The following SIK2 variants were observed in gnomAD, a reference collection of about 807,000 sequenced individuals.
The protein encoded by SIK2 is salt inducible kinase 2.
SIK2 carries 29 observed loss-of-function variants against 103.2 expected under a neutral mutation model. That is an observed-to-expected ratio of 0.28 (90% CI 0.21 to 0.38). The LOEUF is 0.38. Among genes scored for constraint, SIK2 ranks in the 10% least tolerant of loss-of-function variants. The pLI, the probability that SIK2 is intolerant of heterozygous loss-of-function variation, is 1.00. For synonymous variants in SIK2, 412 were observed against 446.1 expected (o/e 0.92, Z 0.96); for missense variants, 879 against 1,171.0 (o/e 0.75, Z 3.64).
chr11:111,720,092 CCTAA>C, intron 10 of SIK2, 89 bp downstream of exon 10: 1 of 1,297,586 alleles, frequency 7.7e-7, no homozygotes. Context: ...CCAGCCAACA[CCTAA>C]AATTGAGTCG....
At chr11:111,613,430 A>G (rs907316817) in intron 1 of SIK2, among the ~76,000 whole-genome samples, 2 of 152,164 alleles carry the variant, frequency 1.3e-5, no homozygotes, top group Non-Finnish European at 2.9e-5. Flanking sequence ...CATTTTCTTC[A>G]AAATATGCAT....
At chr11:111,662,430 G>A (rs1942479193) in intron 3 of SIK2, among the ~76,000 whole-genome samples, 1 of 152,186 alleles carries the variant, frequency 6.6e-6, no homozygotes, top group African/African-American at 2.4e-5. Flanking sequence ...GGCAAGTGGT[G>A]AAGAGTACCA....
Position 111,705,229 on chromosome 11 carries a change from T to A in SIK2, c.1101+90T>A. On this transcript the variant is annotated intron_variant, in intron 8 of 14. Coordinates refer to ENST00000304987, the MANE Select transcript of SIK2 (RefSeq NM_015191.3). This position sits in a 1 kb window ranked among gnomAD's most constrained non-coding sequence, Gnocchi z 4.3. ...TCATCTTATACACAGGGTTAGGATT[T>A]CATCCTCTACACTCCGTTTTTCTGT... 1 of 1,328,612 alleles carries A rather than the reference T, an allele frequency of 7.5e-7. No individual in the cohort carries two copies. Among genetic ancestry groups the A allele is most frequent in the Non-Finnish European group, 9.8e-7 (1 of 1,020,810 alleles). The allele number at this position is 1,328,612 out of a possible 1,614,324, so 82.3% of individuals were successfully genotyped here.
chr11:111,679,533 T>A (rs1411687244), intron 3 of SIK2, among the ~76,000 whole-genome samples: 1 of 152,232 alleles, frequency 6.6e-6, no homozygotes, highest in Non-Finnish European at 1.5e-5. Flanking sequence ...TGTTTTACAA[T>A]CTGTAGTTTT....
At position 111,709,429 on chromosome 11, in the gene SIK2, A is replaced by G. The variant is rs369679483; in HGVS notation, c.1102-2782A>G. On this transcript the variant is annotated intron_variant, in intron 8 of 14. Transcript: ENST00000304987. ...TCATAACAAGTATTTGCCTATTGGAATAGCAACGATTTTCCCATAGGAAAG... is the reference window on the plus strand; with the variant it reads ...TCATAACAAGTATTTGCCTATTGGAGTAGCAACGATTTTCCCATAGGAAAG... 2.8e-4 allele frequency among the ~76,000 whole-genome samples: 42 copies of G among 152,352 alleles called. No individual in the cohort carries two copies. The South Asian group carries it at 7.5e-3, about 27-fold the overall frequency.
chr11:111,705,247 T>C lies in SIK2; in HGVS notation c.1101+108T>C. On this transcript the variant is annotated intron_variant, in intron 8 of 14. Coordinates refer to ENST00000304987, the MANE Select transcript of SIK2 (RefSeq NM_015191.3). This position sits in a 1 kb window ranked among gnomAD's most constrained non-coding sequence, Gnocchi z 4.3. ...TAGGATTTCATCCTCTACACTCCGT[T>C]TTTCTGTAAAATTTCTGCCTGCCAT... 8.3e-7 allele frequency: 1 copy of C among 1,207,880 alleles called. No homozygotes were observed. Among genetic ancestry groups the C allele is most frequent in the Non-Finnish European group, 1.1e-6 (1 of 932,470 alleles). The allele number at this position is 1,207,880 out of a possible 1,614,324, so 74.8% of individuals were successfully genotyped here.
intron 3 of SIK2, among the ~76,000 whole-genome samples, chr11:111,645,740 A>G (rs543115): frequency 1.3e-5 from 2 of 151,876 alleles, no homozygotes; most frequent in Non-Finnish European, 2.9e-5. Flanking sequence ...ACTTGAACCC[A>G]GGAGGCGGAG....
At chr11:111,684,560 C>T (rs1480943892) in intron 3 of SIK2, among the ~76,000 whole-genome samples, 6 of 152,166 alleles carry the variant, frequency 3.9e-5, no homozygotes, top group South Asian at 2.1e-4. Flanking sequence ...TTATTAACTA[C>T]TCAAAAGATA....
In SIK2 at chr11:111,635,288, G is replaced by A. The variant is rs1591595923; in HGVS notation, c.316+14886G>A. Among the ~76,000 whole-genome samples the A allele has an allele frequency of 2.0e-5, 3 of 151,834 alleles. No homozygotes were observed. The South Asian group carries it at 6.3e-4, about 32-fold the overall frequency. On this transcript the variant is annotated intron_variant, in intron 3 of 14. Coordinates refer to ENST00000304987, the MANE Select transcript of SIK2 (RefSeq NM_015191.3). Reference sequence around the variant, plus strand: ...ACATAATGTTTCTGAACCTCAGTGTGTTCTAAAAATGAAAGGGGTATATGA... The same window carrying A: ...ACATAATGTTTCTGAACCTCAGTGTATTCTAAAAATGAAAGGGGTATATGA...
chr11:111,693,673 G>A (rs1310574847), intron 4 of SIK2, among the ~76,000 whole-genome samples: 1 of 152,222 alleles, frequency 6.6e-6, no homozygotes, highest in Non-Finnish European at 1.5e-5. Context: ...AGGGCTTCAT[G>A]TAGAGTACTG....
chr11:111,660,560 A>G lies in SIK2; in HGVS notation c.317-27441A>G, dbSNP rs980090936. The stretch of plus-strand genomic sequence containing the variant: ...ACAGGTACCCTGAAATATATCTGGT[A>G]TATACCTCTTTGAGATCAGTCTTCT... On this transcript the variant is annotated intron_variant, in intron 3 of 14. Coordinates refer to ENST00000304987, the MANE Select transcript of SIK2 (RefSeq NM_015191.3). Among the ~76,000 whole-genome samples the G allele has an allele frequency of 3.9e-5, 6 of 152,230 alleles. No homozygotes were observed. In the South Asian group the frequency reaches 6.2e-4, roughly 16 times the overall value.
rs1944070948 is a variant in SIK2 at position 111,728,794 on chromosome 11, G to GCAT, written c.*4665_*4666insCAT. The GCAT allele has an allele frequency of 2.0e-5, 3 of 152,068 alleles. No homozygotes were observed. Among genetic ancestry groups the GCAT allele is most frequent in the Non-Finnish European group, 4.4e-5 (3 of 68,022 alleles). The allele number at this position is 152,068 out of a possible 1,614,324, so 9.4% of individuals were successfully genotyped here. On this transcript the variant is annotated 3_prime_UTR_variant, in exon 15 of 15. Transcript: ENST00000304987. ...AAAAAATTAGCCGGGCGTGGTGGTG[G>GCAT]GCGCCTGTAGTTCCAGCTACTCGGG...
At chr11:111,619,565 G>T (rs7932817) in intron 2 of SIK2, among the ~76,000 whole-genome samples, 1 of 151,856 alleles carries the variant, frequency 6.6e-6, no homozygotes, top group Non-Finnish European at 1.5e-5. Context: ...GGCTGGTGTC[G>T]AACTCCTGAC....
intron 4 of SIK2, among the ~76,000 whole-genome samples, chr11:111,695,118 C>A (rs961832008): frequency 1.3e-5 from 2 of 152,214 alleles, no homozygotes; most frequent in African/African-American, 4.8e-5. Context: ...CTCCACCTCT[C>A]ATTTGTCAGC....
chr11:111,617,909 T>G (rs1052446330), intron 2 of SIK2, among the ~76,000 whole-genome samples: 24 of 151,870 alleles, frequency 1.6e-4, no homozygotes, highest in African/African-American at 5.8e-4. Flanking sequence ...TTTTAATGGA[T>G]TCCCATAGGA....
rs886396216 is a variant in SIK2 at position 111,725,860 on chromosome 11, C to T, written c.*1731C>T. 1.3e-5 allele frequency: 2 copies of T among 152,376 alleles called. No individual in the cohort carries two copies. Among genetic ancestry groups the T allele is most frequent in the African/African-American group, 4.8e-5 (2 of 41,442 alleles). The allele number at this position is 152,376 out of a possible 1,614,324, so 9.4% of individuals were successfully genotyped here. ...GCTCACCATGGGTGCCAGGATGCTT[C>T]GCAGAGGCACTGTGCTCACGGTTGG... is the stretch of plus-strand genomic sequence containing the variant. On this transcript the variant is annotated 3_prime_UTR_variant, in exon 15 of 15. Transcript: ENST00000304987.
chr11:111,725,802 C>G lies in SIK2; in HGVS notation c.*1673C>G, dbSNP rs1451345406. ...CCAACGTCGGTAACTTGAGCAGTCC[C>G]TGTTGCTGGCCAGAGACTGCCTGGT... is the stretch of plus-strand genomic sequence containing the variant. On this transcript the variant is annotated 3_prime_UTR_variant, in exon 15 of 15. Transcript: ENST00000304987. 3 of 152,630 alleles carry G rather than the reference C, an allele frequency of 2.0e-5. No homozygotes were observed. Among genetic ancestry groups the G allele is most frequent in the African/African-American group, 7.2e-5 (3 of 41,468 alleles). 9.5% of individuals were successfully genotyped at this position (152,630 alleles called of 1,614,324 possible).
intron 9 of SIK2, among the ~76,000 whole-genome samples, chr11:111,715,414 T>A (rs1175571359): frequency 6.6e-6 from 1 of 152,234 alleles, no homozygotes; most frequent in East Asian, 1.9e-4. Context: ...GATTGATGCT[T>A]CATTGCTGCA....
At chr11:111,646,365 C>T (rs972465557) in intron 3 of SIK2, among the ~76,000 whole-genome samples, 1 of 152,172 alleles carries the variant, frequency 6.6e-6, no homozygotes, top group Non-Finnish European at 1.5e-5. Flanking sequence ...AGGAGAATCG[C>T]TTGAACCCAG....
Sources: allele counts gnomAD v4.1 joint callset (sites outside exome capture counted in the v4.1 genomes callset), GRCh38; gene constraint gnomAD v4.1.1; non-coding constraint Gnocchi (gnomAD v3.1); transcripts MANE v1.5; gene names NCBI Gene and HGNC (gene_info 2026-07-23, HGNC 2026-07-21).